NKTR: variants seen among roughly 807,000 people sequenced by gnomAD.
NKTR encodes NK-tumor recognition protein.
A neutral mutation model predicts 156.3 loss-of-function variants in NKTR; 67 were observed. That is an observed-to-expected ratio of 0.43 (90% CI 0.35 to 0.53). The LOEUF (loss-of-function observed/expected upper bound fraction) is 0.53, where lower values mean the gene tolerates loss of function less well. NKTR is among the 20% of genes least tolerant of loss of function. NKTR has a pLI of 0.01. For missense variants in NKTR, 1,604 were observed against 1,730.9 expected (o/e 0.93, Z 1.30); for synonymous variants, 640 against 596.6 (o/e 1.07, Z -1.06).
chr3:42,606,696 A>C (rs1042430635), intron 2 of NKTR, among the ~76,000 whole-genome samples: 1 of 152,100 alleles, frequency 6.6e-6, no homozygotes, highest in African/African-American at 2.4e-5. Context: ...TTTTGTCTTT[A>C]CTTTTATTTT....
At chr3:42,630,465 T>TG (rs1708790471) in intron 6 of NKTR, 81 bp from the exon 7 acceptor site, 1 of 1,599,914 alleles carries the variant, frequency 6.3e-7, no homozygotes, top group Non-Finnish European at 8.5e-7. Context: ...GTTCTCTACA[T>TG]GCTGTGTTTA....
chr3:42,620,965 C>T, intron 5 of NKTR: 1 of 917,538 alleles, frequency 1.1e-6, no homozygotes, highest in Non-Finnish European at 1.3e-6. Context: ...TTTTGTCTTA[C>T]AGTCTAGCTT....
chr3:42,643,886 G>A lies in NKTR; in HGVS notation c.4200-16G>A. The A allele has an allele frequency of 6.3e-7, 1 of 1,590,900 alleles. No homozygotes were observed. Among genetic ancestry groups the A allele is most frequent in the Non-Finnish European group, 8.6e-7 (1 of 1,160,728 alleles). On this transcript the variant is annotated splice_polypyrimidine_tract_variant and intron_variant, in intron 15 of 16. Transcript: ENST00000232978. Reference sequence around the variant, plus strand: ...TGAGTGGGAAAATTTAGTGTTTGTTGTTGCCGTTAAAGCAGGTCCTACACC... The same window carrying A: ...TGAGTGGGAAAATTTAGTGTTTGTTATTGCCGTTAAAGCAGGTCCTACACC...
intron 2 of NKTR, among the ~76,000 whole-genome samples, chr3:42,617,182 CTG>C (rs1707454534): frequency 6.6e-6 from 1 of 152,184 alleles, no homozygotes; most frequent in Non-Finnish European, 1.5e-5. Flanking sequence ...GCCAGAATTA[CTG>C]TCTTTTGATG....
rs2125820218 is a variant in NKTR at position 42,638,831 on chromosome 3, A to G, written c.3127A>G (p.Lys1043Glu). 6.2e-7 allele frequency: 1 copy of G among 1,602,188 alleles called. No individual in the cohort carries two copies. Among genetic ancestry groups the G allele is most frequent in the East Asian group, 2.2e-5 (1 of 44,862 alleles). The stretch of plus-strand genomic sequence containing the variant: ...AGTTACTCAGGAATCAAAAGAGAAA[A>G]AAGTTTCTGAAAACAATGAAACCAT... ...KQVTQESKEK[K>E]VSENNETIKD... Residue 1043 changes from lysine (K) to glutamate (E), a missense_variant, in exon 13 of 17, where the codon AAA becomes GAA. Lys to Glu is a moderately conservative substitution (Grantham distance 56). Around this residue, in one of 6 missense-constraint regions of NKTR, gnomAD observed 1,255 missense variants for 1,243.7 expected, o/e 1.01. Transcript: ENST00000232978.
chr3:42,627,931 G>A (rs374304374), intron 6 of NKTR: 1 of 985,078 alleles, frequency 1.0e-6, no homozygotes, highest in Non-Finnish European at 1.2e-6. Context: ...AGTGAGATGA[G>A]CTCTCTGCCT....
Position 42,637,127 on chromosome 3 carries a change from A to G in NKTR, c.1423A>G (p.Met475Val), listed in dbSNP as rs772752789. 3.1e-6 allele frequency: 5 copies of G among 1,608,984 alleles called. No individual in the cohort carries two copies. The East Asian group carries it at 8.9e-5, about 29-fold the overall frequency. ...IESSKSSTRR[M>V]KSSCDRERSS... ...ATCCTCAAAATCTTCCACTCGAAGA[A>G]TGAAATCCTCTTGTGATAGAGAAAG... is the stretch of plus-strand genomic sequence containing the variant. Residue 475 changes from methionine to valine, a missense_variant, in exon 13 of 17, where the codon ATG becomes GTG. Met to Val is a conservative substitution (Grantham distance 21, BLOSUM62 1). Transcript: ENST00000232978.
chr3:42,620,416 A>G, intron 5 of NKTR: 1 of 1,006,412 alleles, frequency 9.9e-7, no homozygotes. Context: ...CTTGCCCCAA[A>G]AAGCCTTAGA....
chr3:42,638,997 C>T lies in NKTR; in HGVS notation c.3293C>T (p.Thr1098Ile), dbSNP rs1709656505. 3 of 1,613,226 alleles carry T rather than the reference C, an allele frequency of 1.9e-6. No individual in the cohort carries two copies. In the South Asian group the frequency reaches 3.3e-5, roughly 18 times the overall value. The change falls in exon 13 of 17, where the codon ACT (threonine) becomes ATT (isoleucine). Residue 1098 changes from threonine to isoleucine, a missense_variant. This residue lies in a region of NKTR where 1,255 missense variants were observed against 1,243.7 expected (regional missense o/e 1.01). Transcript: ENST00000232978. ...KLSISPTALN[T>I]EENVACLQNI... Reference sequence around the variant, plus strand: ...AGTATTTCTCCCACAGCTTTAAATACTGAGGAAAATGTGGCCTGTTTACAA... The same window carrying T: ...AGTATTTCTCCCACAGCTTTAAATATTGAGGAAAATGTGGCCTGTTTACAA...
chr3:42,633,250 C>T, intron 9 of NKTR: 1 of 605,044 alleles, frequency 1.7e-6, no homozygotes, highest in Non-Finnish European at 2.2e-6. Flanking sequence ...CTATGTTGAC[C>T]AGGCTGGTCT....
At chr3:42,644,025 TCCTTTATCGC>T in intron 16 of NKTR, 22 bp downstream of exon 16, 2 of 1,572,376 alleles carry the variant, frequency 1.3e-6, no homozygotes, top group African/African-American at 1.4e-5. Context: ...TCCTTTATCG[TCCTTTATCGC>T]ACTGTAGGCC....
intron 13 of NKTR, 136 bp downstream of exon 13, chr3:42,639,886 CAGAG>C: frequency 2.7e-6 from 2 of 740,614 alleles, no homozygotes; most frequent in Non-Finnish European, 4.3e-6. Context: ...TTGTGTGATT[CAGAG>C]AGTAGATTGA....
intron 2 of NKTR, among the ~76,000 whole-genome samples, chr3:42,614,297 TAC>T (rs1577453803): frequency 6.6e-6 from 1 of 152,320 alleles, no homozygotes; most frequent in Admixed American, 6.5e-5. Flanking sequence ...CAGAGAGACT[TAC>T]GCAAATTCAT....
chr3:42,634,867 T>C (rs1259871651), intron 11 of NKTR, 167 bp downstream of exon 11: 2 of 535,270 alleles, frequency 3.7e-6, no homozygotes, highest in Non-Finnish European at 6.6e-6. Context: ...AGTATACTGC[T>C]GTGTTTGAAT....
chr3:42,637,832 C>T lies in NKTR; in HGVS notation c.2128C>T (p.Arg710Cys), dbSNP rs747993436. 1.5e-5 allele frequency: 24 copies of T among 1,613,596 alleles called. No individual in the cohort carries two copies. Among genetic ancestry groups the T allele is most frequent in the African/African-American group, 6.7e-5 (5 of 74,884 alleles). The change falls in exon 13 of 17, where the codon CGT (arginine) becomes TGT (cysteine). Residue 710 changes from arginine to cysteine, a missense_variant. By Grantham distance (180) the Arg-to-Cys change is radical (BLOSUM62 -3). Coordinates refer to ENST00000232978, the MANE Select transcript of NKTR (RefSeq NM_005385.4). ...TTATTCCAGATCATATACAAGATCA[C>T]GTAGTCTAGCTAGTTCACATTCAAG... ...RSYSRSYTRS[R>C]SLASSHSRSR...
chr3:42,639,605 C>T lies in NKTR; in HGVS notation c.3901C>T (p.Gln1301Ter), dbSNP rs769418859. Residue 1301 changes from glutamine (Q) to a stop codon, truncating the protein, a stop_gained, in exon 13 of 17, where the codon CAG becomes TAG. Transcript: ENST00000232978. LOFTEE classifies it high-confidence loss of function. ...PRNQESSSDEQTPSRDDDSQS... is the reference protein window; with the variant it reads ...PRNQESSSDE Reference sequence around the variant, plus strand: ...AAATCAGGAGAGTTCAAGTGATGAGCAGACGCCTAGTCGGGATGATGATAG... The same window carrying T: ...AAATCAGGAGAGTTCAAGTGATGAGTAGACGCCTAGTCGGGATGATGATAG... 2 of 1,614,070 alleles carry T rather than the reference C, an allele frequency of 1.2e-6. No homozygotes were observed. Among genetic ancestry groups the T allele is most frequent in the Non-Finnish European group, 1.7e-6 (2 of 1,180,022 alleles).
At chr3:42,600,620 T>A (rs1231860409), upstream of NKTR, 1 of 160,746 alleles carries the variant, frequency 6.2e-6, no homozygotes, top group Non-Finnish European at 1.4e-5. Flanking sequence ...GACTGTACTC[T>A]CGCGGTATTT....
At chr3:42,623,092 T>C (rs1577491544) in intron 6 of NKTR, among the ~76,000 whole-genome samples, 1 of 152,028 alleles carries the variant, frequency 6.6e-6, no homozygotes, top group African/African-American at 2.4e-5. Context: ...GATTCTCCCT[T>C]CAAAAACATC....
At chr3:42,608,239 C>T (rs531151560) in intron 2 of NKTR, among the ~76,000 whole-genome samples, 10 of 152,020 alleles carry the variant, frequency 6.6e-5, no homozygotes, top group African/African-American at 9.6e-5. Context: ...AATCCACCCA[C>T]CTCGGCCTCC....
Sources: gnomAD v4.1 joint callset for allele counts (sites outside exome capture counted in the v4.1 genomes callset) on GRCh38, gnomAD v4.1.1 for gene constraint, gnomAD v4.1.1 regional missense constraint, MANE v1.5 for transcripts, NCBI Gene and HGNC (gene_info 2026-07-23, HGNC 2026-07-21) for gene names.